Variants in DNAH9 observed in about 807,000 individuals in gnomAD.
DNAH9 encodes the protein dynein axonemal heavy chain 9, also known as DNAH9 variant protein.
A neutral mutation model predicts 471.6 loss-of-function variants in DNAH9; 345 were observed. The ratio of observed to expected loss-of-function variants is 0.73; its 90% CI spans 0.67 to 0.80. The LOEUF (loss-of-function observed/expected upper bound fraction) is 0.80, where lower values mean the gene tolerates loss of function less well. Ranked by LOEUF, DNAH9 falls within the 30% of genes least tolerant of loss-of-function variation. DNAH9 has a pLI of 0.00. For missense variants in DNAH9, 5,407 were observed against 5,609.2 expected (o/e 0.96, Z 1.15); for synonymous variants, 2,093 against 2,123.6 (o/e 0.99, Z 0.40).
Position 11,873,626 on chromosome 17 carries a change from G to A in DNAH9, c.10243-1323G>A, listed in dbSNP as rs527429166. On this transcript the variant is annotated intron_variant, in intron 52 of 68. Transcript: ENST00000262442. ...CTAAACCTCGAAAGCATTATGCTAA[G>A]TGAAAGTAACCAGACACAAAAGGTC... Among the ~76,000 whole-genome samples, 270 of 152,292 alleles carry A rather than the reference G, an allele frequency of 1.8e-3. 1 individual carries two copies. Among genetic ancestry groups the A allele is most frequent in the Non-Finnish European group, 2.1e-3 (140 of 68,030 alleles).
rs1164892438 is a variant in DNAH9 at position 11,744,836 on chromosome 17, C to T, written c.6151C>T (p.Leu2051=). Reference sequence around the variant, plus strand: ...GGGCCTACGGGCCATCAAGTCCGTGCTGGTGGTGGCAGGATCCCTGAAGAG... The same window carrying T: ...GGGCCTACGGGCCATCAAGTCCGTGTTGGTGGTGGCAGGATCCCTGAAGAG... ...DWGLRAIKSV[L]VVAGSLKRGD... Residue 2051 remains leucine, a synonymous_variant, in exon 31 of 69, where the codon CTG becomes TTG. Coordinates refer to ENST00000262442, the MANE Select transcript of DNAH9 (RefSeq NM_001372.4). 1 of 1,614,126 alleles carries T rather than the reference C, an allele frequency of 6.2e-7. No individual in the cohort carries two copies. The highest frequency in any genetic ancestry group is 1.7e-5 in the Admixed American group (1 of 60,026).
At chr17:11,923,787 A>G (rs1187252478) in intron 61 of DNAH9, 27 bp from the exon 62 acceptor site, 2 of 1,611,508 alleles carry the variant, frequency 1.2e-6, no homozygotes, top group African/African-American at 1.3e-5. Context: ...ACAAGAAATA[A>G]TAATGACGCC....
At chr17:11,830,757 A>C (rs918645258) in intron 48 of DNAH9, among the ~76,000 whole-genome samples, 1 of 152,258 alleles carries the variant, frequency 6.6e-6, no homozygotes, top group Non-Finnish European at 1.5e-5. Flanking sequence ...TATAACTGAA[A>C]AGTCAAAGAT....
intron 41 of DNAH9, among the ~76,000 whole-genome samples, chr17:11,790,898 A>G (rs1969042159): frequency 6.6e-6 from 1 of 152,142 alleles, no homozygotes; most frequent in Non-Finnish European, 1.5e-5. Context: ...TTGCCATACA[A>G]TGCAAGGATC....
In DNAH9 at chr17:11,738,948, C is replaced by A. The variant is rs1262372499; in HGVS notation, c.5883C>A (p.Ser1961Arg). 6.2e-7 allele frequency: 1 copy of A among 1,614,006 alleles called. No homozygotes were observed. Among genetic ancestry groups the A allele is most frequent in the East Asian group, 2.2e-5 (1 of 44,870 alleles). Residue 1961 changes from serine (S) to arginine (R), a missense_variant, in exon 29 of 69, where the codon AGC becomes AGA. Coordinates refer to ENST00000262442, the MANE Select transcript of DNAH9 (RefSeq NM_001372.4). ...TCAGCTTCCTTGGGGAGGAGATCAG[C>A]CTGAATCCTTCTGTCGGTATCTTCA... ...QWFSFLGEEI[S>R]LNPSVGIFIT...
chr17:11,664,938 T>C lies in DNAH9; in HGVS notation c.2701T>C (p.Cys901Arg), dbSNP rs777716315. 6.2e-7 allele frequency: 1 copy of C among 1,613,522 alleles called. No homozygotes were observed. Among genetic ancestry groups the C allele is most frequent in the East Asian group, 2.2e-5 (1 of 44,858 alleles). ...LLNGFFLAIE[C>R]SLKYLLENTE... is the part of the protein sequence containing the mutation. ...GAATGGATTCTTTCTTGCCATTGAGTGCTCCCTCAAGTATCTTCTGGAAAA... is the reference window on the plus strand; with the variant it reads ...GAATGGATTCTTTCTTGCCATTGAGCGCTCCCTCAAGTATCTTCTGGAAAA... The change falls in exon 15 of 69, where the codon TGC (cysteine) becomes CGC (arginine). Residue 901 changes from cysteine to arginine, a missense_variant. Physicochemically the swap from Cys to Arg is radical, Grantham distance 180 (BLOSUM62 -3). Around this residue, in one of 3 missense-constraint regions of DNAH9, gnomAD observed 4,636 missense variants for 4,900.3 expected, o/e 0.95. Transcript: ENST00000262442.
intron 22 of DNAH9, among the ~76,000 whole-genome samples, chr17:11,694,869 C>T (rs368999134): frequency 0.28 from 79 of 282 alleles, 24 homozygotes; most frequent in South Asian, 0.33. Context: ...TCCTTCCTTC[C>T]TTCTTTCTTT....
chr17:11,613,815 A>G (rs2072686666), intron 4 of DNAH9, among the ~76,000 whole-genome samples: 1 of 152,200 alleles, frequency 6.6e-6, no homozygotes. Flanking sequence ...ACATATGTGA[A>G]TGCCTGAAAT....
intron 19 of DNAH9, among the ~76,000 whole-genome samples, chr17:11,685,085 C>T (rs1047426153): frequency 6.6e-6 from 1 of 152,112 alleles, no homozygotes; most frequent in Non-Finnish European, 1.5e-5. Context: ...CCTTTCCTGA[C>T]CTCAAGGACT....
intron 41 of DNAH9, among the ~76,000 whole-genome samples, chr17:11,787,676 A>G (rs1030611470): frequency 2.6e-5 from 4 of 152,316 alleles, no homozygotes; most frequent in African/African-American, 9.6e-5. Context: ...GTCCCCACCC[A>G]AATCTCATCT....
intron 8 of DNAH9, among the ~76,000 whole-genome samples, chr17:11,634,701 A>G (rs1443407595): frequency 1.3e-5 from 2 of 152,240 alleles, no homozygotes; most frequent in Non-Finnish European, 2.9e-5. Context: ...ACCTTTACAG[A>G]GTCCTTAGAG....
Position 11,932,239 on chromosome 17 carries a change from T to C in DNAH9, c.12297+34T>C, listed in dbSNP as rs750885801. ...CATGGACATTCAGGGACCAGCCAGG[T>C]TGGGAGAGGGTTAAAATTATTTAAT... On this transcript the variant is annotated intron_variant, in intron 64 of 68. Transcript: ENST00000262442. This position sits in a 1 kb window ranked among gnomAD's most constrained non-coding sequence, Gnocchi z 4.3. 13 of 1,600,438 alleles carry C rather than the reference T, an allele frequency of 8.1e-6. No homozygotes were observed. Among genetic ancestry groups the C allele is most frequent in the Admixed American group, 1.7e-5 (1 of 58,746 alleles).
chr17:11,899,870 C>CA (rs1239372422), intron 59 of DNAH9, among the ~76,000 whole-genome samples: 1 of 152,146 alleles, frequency 6.6e-6, no homozygotes, highest in Non-Finnish European at 1.5e-5. Context: ...TCCTAAGTGC[C>CA]AGGCACCCTG....
At chr17:11,711,043 C>G (rs1013060057) in intron 26 of DNAH9, among the ~76,000 whole-genome samples, 3 of 152,180 alleles carry the variant, frequency 2.0e-5, no homozygotes, top group Admixed American at 2.0e-4. Context: ...AAGATGGTCT[C>G]TATGCCTATG....
At chr17:11,762,130 C>T (rs1016937638) in intron 35 of DNAH9, among the ~76,000 whole-genome samples, 8 of 152,330 alleles carry the variant, frequency 5.3e-5, no homozygotes, top group South Asian at 2.1e-4. Flanking sequence ...GATTACTAGA[C>T]TCTAAAACTG....
At chr17:11,855,387 G>A (rs532864354) in intron 50 of DNAH9, among the ~76,000 whole-genome samples, 1 of 152,174 alleles carries the variant, frequency 6.6e-6, no homozygotes, top group African/African-American at 2.4e-5. Flanking sequence ...TGTACAGCTT[G>A]TTTCACTTCC....
At chr17:11,635,906 A>T (rs967160557) in intron 8 of DNAH9, among the ~76,000 whole-genome samples, 2 of 152,090 alleles carry the variant, frequency 1.3e-5, no homozygotes, top group Admixed American at 6.6e-5. Flanking sequence ...TTGCCCTTCA[A>T]ATTCTCCCCA....
chr17:11,607,658 C>T (rs1413153862), intron 1 of DNAH9, among the ~76,000 whole-genome samples: 1 of 152,144 alleles, frequency 6.6e-6, no homozygotes, highest in Non-Finnish European at 1.5e-5. Flanking sequence ...CAACCTCCGC[C>T]TCCTGGGTTG....
rs779571503 is a variant in DNAH9 at position 11,768,570 on chromosome 17, G to A, written c.7288G>A (p.Glu2430Lys). 1.4e-5 allele frequency: 22 copies of A among 1,613,930 alleles called. No individual in the cohort carries two copies. The highest frequency in any genetic ancestry group is 1.7e-5 in the Admixed American group (1 of 59,982). The change falls in exon 37 of 69, where the codon GAG becomes AAG. Residue 2430 changes from glutamate (E) to lysine (K), a missense_variant. Glu to Lys is a moderately conservative substitution (Grantham distance 56, BLOSUM62 1). Coordinates refer to ENST00000262442, the MANE Select transcript of DNAH9 (RefSeq NM_001372.4). ...CATCGACCCAGAGACCAAGAAATTCGAGCCTTGGTCCAAGCTCGTCCCCCA... is the reference window on the plus strand; with the variant it reads ...CATCGACCCAGAGACCAAGAAATTCAAGCCTTGGTCCAAGCTCGTCCCCCA... ...YYIDPETKKF[E>K]PWSKLVPQFE...
Sources: allele counts gnomAD v4.1 joint callset (sites outside exome capture counted in the v4.1 genomes callset), GRCh38; gene constraint gnomAD v4.1.1; regional missense constraint gnomAD v4.1.1; non-coding constraint Gnocchi (gnomAD v3.1); transcripts MANE v1.5; gene names NCBI Gene and HGNC (gene_info 2026-07-23, HGNC 2026-07-21).